Variants in SMIM36 observed in about 807,000 individuals in gnomAD.
SMIM36 encodes small integral membrane protein 36.
At position 55,501,192 on chromosome 17, in the gene SMIM36, ATC is replaced by A. The variant is rs376549227; in HGVS notation, c.*174+9685_*174+9686del. On this transcript the variant is annotated intron_variant, in intron 1 of 4. Transcript: ENST00000636752. ...TCTTATATATTATAATATATAATATATCTTATATATTATAATATATAATATAT... is the reference window on the plus strand; with the variant it reads ...TCTTATATATTATAATATATAATATATTATATATTATAATATATAATATAT... Among the ~76,000 whole-genome samples the A allele has an allele frequency of 1.3e-3, 78 of 58,392 alleles. 12 individuals carry two copies. Among genetic ancestry groups the A allele is most frequent in the East Asian group, 2.3e-3 (4 of 1,772 alleles). 38.3% of individuals were successfully genotyped at this position (58,392 alleles called of 152,430 possible). A position where few individuals can be genotyped will look rare whatever the true frequency, so the allele number is the denominator to read the frequency against.
At chr17:55,470,144 A>G (rs1445128192) in intron 3 of SMIM36, among the ~76,000 whole-genome samples, 1 of 152,132 alleles carries the variant, frequency 6.6e-6, no homozygotes. Flanking sequence ...GCCATGTCCC[A>G]TCTGTGCAGG....
At chr17:55,492,001 C>T (rs535597930) in intron 1 of SMIM36, among the ~76,000 whole-genome samples, 1 of 151,554 alleles carries the variant, frequency 6.6e-6, no homozygotes, top group African/African-American at 2.4e-5. Context: ...CTACTAAAAA[C>T]ACAAAAAATT....
intron 3 of SMIM36, among the ~76,000 whole-genome samples, chr17:55,477,682 A>G (rs181840624): frequency 4.6e-5 from 7 of 152,198 alleles, no homozygotes; most frequent in African/African-American, 1.7e-4. Flanking sequence ...ACCATTTATT[A>G]GATATGATCT....
At chr17:55,508,006 A>C (rs1234933867) in intron 1 of SMIM36, among the ~76,000 whole-genome samples, 1 of 152,172 alleles carries the variant, frequency 6.6e-6, no homozygotes, top group Admixed American at 6.5e-5. Flanking sequence ...TGCTTTTACC[A>C]ACACAAGCCT....
At chr17:55,521,450 T>C in the SMIM36 span, among the ~76,000 whole-genome samples, 2 of 152,244 alleles carry the variant, frequency 1.3e-5, no homozygotes, top group Non-Finnish European at 2.9e-5. Flanking sequence ...ACACCCATGA[T>C]GACATTCTGT....
chr17:55,488,644 A>G (rs188592750), intron 1 of SMIM36, among the ~76,000 whole-genome samples: 87 of 152,346 alleles, frequency 5.7e-4, no homozygotes, highest in Admixed American at 2.0e-3. Context: ...CATTGTAAAG[A>G]TGCACCATAT....
chr17:55,501,283 A>T (rs1401317330), intron 1 of SMIM36, among the ~76,000 whole-genome samples: 4 of 29,306 alleles, frequency 1.4e-4, no homozygotes, highest in South Asian at 8.9e-4. Flanking sequence ...TATATTATAT[A>T]TTATATTTTA....
chr17:55,469,907 G>C (rs1474269484), intron 3 of SMIM36, among the ~76,000 whole-genome samples: 2 of 152,128 alleles, frequency 1.3e-5, no homozygotes, highest in Admixed American at 1.3e-4. Flanking sequence ...ACTTGAACCT[G>C]GGAGGCAGAG....
At chr17:55,524,154 A>G in the SMIM36 span, among the ~76,000 whole-genome samples, 2 of 152,126 alleles carry the variant, frequency 1.3e-5, no homozygotes, top group Non-Finnish European at 2.9e-5. Context: ...GCTCCCATTT[A>G]TAAGTGAGAA....
the SMIM36 span, among the ~76,000 whole-genome samples, chr17:55,531,461 T>C: frequency 6.6e-5 from 10 of 152,180 alleles, no homozygotes; most frequent in South Asian, 2.1e-4. Context: ...CCTAACTACA[T>C]TGTGACCATT....
intron 4 of SMIM36, among the ~76,000 whole-genome samples, chr17:55,457,010 G>T (rs992809629): frequency 6.6e-6 from 1 of 152,178 alleles, no homozygotes. Context: ...AGAGGATTGC[G>T]AATGGGTAAG....
intron 3 of SMIM36, among the ~76,000 whole-genome samples, chr17:55,470,148 G>C (rs986483540): frequency 1.3e-5 from 2 of 152,124 alleles, no homozygotes; most frequent in African/African-American, 4.8e-5. Context: ...TGTCCCATCT[G>C]TGCAGGTCCC....
intron 4 of SMIM36, among the ~76,000 whole-genome samples, chr17:55,459,119 C>G (rs1321354556): frequency 6.6e-6 from 1 of 152,124 alleles, no homozygotes; most frequent in Non-Finnish European, 1.5e-5. Context: ...CACAGCCTGT[C>G]CGTGTGTATG....
exon 1 of SMIM36, chr17:55,510,967 G>C (rs537214580): frequency 2.5e-6 from 1 of 397,408 alleles, no homozygotes; most frequent in African/African-American, 2.1e-5. Context: ...CGGGATACAT[G>C]TGCTGAGAGA....
At chr17:55,525,087 G>A in the SMIM36 span, among the ~76,000 whole-genome samples, 1 of 152,184 alleles carries the variant, frequency 6.6e-6, no homozygotes, top group African/African-American at 2.4e-5. Context: ...AGTGGCAATG[G>A]AGCCTGCACC....
At chr17:55,467,392 T>C (rs1232024496) in intron 3 of SMIM36, 64 bp from the exon 4 acceptor site, 1 of 152,206 alleles carries the variant, frequency 6.6e-6, no homozygotes, top group African/African-American at 2.4e-5. Flanking sequence ...GGAAGCACTT[T>C]TGACCATATT....
intron 3 of SMIM36, among the ~76,000 whole-genome samples, chr17:55,477,548 A>G (rs545933354): frequency 1.3e-5 from 2 of 152,198 alleles, no homozygotes; most frequent in South Asian, 4.1e-4. Flanking sequence ...CTCTGTAGAG[A>G]TCCTATTTCT....
upstream of SMIM36, among the ~76,000 whole-genome samples, chr17:55,516,419 G>A (rs904072635): frequency 6.6e-6 from 1 of 152,124 alleles, no homozygotes; most frequent in African/African-American, 2.4e-5. Flanking sequence ...TTTGAGCCAG[G>A]CATTGTGGGG....
At chr17:55,505,246 TA>T (rs1387253737) in intron 1 of SMIM36, among the ~76,000 whole-genome samples, 1 of 95,202 alleles carries the variant, frequency 1.1e-5, no homozygotes, top group African/African-American at 4.8e-5. Context: ...ATCATTCTGA[TA>T]CCAAAGCTGG....
Sources: gnomAD v4.1 joint callset for allele counts (sites outside exome capture counted in the v4.1 genomes callset) on GRCh38, gnomAD v4.1.1 for gene constraint, MANE v1.5 for transcripts, NCBI Gene and HGNC (gene_info 2026-07-23, HGNC 2026-07-21) for gene names.